Variants in DLGAP2 observed in about 807,000 individuals in gnomAD.
The protein encoded by DLGAP2 is disks large-associated protein 2.
In DLGAP2, 26 loss-of-function variants were observed where a neutral mutation model predicts 100.3. The observed-to-expected ratio is 0.26, with a 90% confidence interval of 0.19 to 0.36. The LOEUF (loss-of-function observed/expected upper bound fraction) is 0.36, where lower values mean the gene tolerates loss of function less well. DLGAP2 is among the 10% of genes least tolerant of loss of function. The probability of loss-of-function intolerance (pLI) is 1.00; values close to 1 mark genes in which losing one functional copy is unlikely to be tolerated. For synonymous variants in DLGAP2, 886 were observed against 630.1 expected, an observed-to-expected ratio of 1.41 and a Z score of -6.08; for missense variants, 1,858 against 1,453.2, an observed-to-expected ratio of 1.28 and a Z score of -4.53.
intron 1 of DLGAP2, among the ~76,000 whole-genome samples, chr8:831,108 G>A (rs769279299): frequency 2.4e-4 from 36 of 151,898 alleles, no homozygotes; most frequent in Admixed American, 3.9e-4. Flanking sequence ...ATGTTGGCCA[G>A]GCTGGTCTTG....
intron 2 of DLGAP2, among the ~76,000 whole-genome samples, chr8:1,119,487 C>G (rs1359729243): frequency 6.6e-6 from 1 of 152,260 alleles, no homozygotes; most frequent in East Asian, 1.9e-4. Context: ...AGCACAAGGC[C>G]CATTGCTTCT....
At chr8:966,311 T>C (rs1799869684) in intron 2 of DLGAP2, among the ~76,000 whole-genome samples, 1 of 152,174 alleles carries the variant, frequency 6.6e-6, no homozygotes, top group South Asian at 2.1e-4. Flanking sequence ...CTTTGAACAC[T>C]TGATCAGAAA....
At chr8:1,141,558 C>T (rs1192667493) in intron 2 of DLGAP2, among the ~76,000 whole-genome samples, 1 of 152,138 alleles carries the variant, frequency 6.6e-6, no homozygotes, top group Non-Finnish European at 1.5e-5. Context: ...AATGGGAACT[C>T]AGACAGCCAT....
rs572836745 is a variant in DLGAP2, at chr8:783,943, T to C, written c.18+46118T>C. On this transcript the variant is annotated intron_variant, in intron 1 of 14. Coordinates refer to ENST00000637795, the MANE Select transcript of DLGAP2 (RefSeq NM_001346810.2). ...AGCGTTATCGGCTAATTCTTAGGAG[T>C]AATTGTTAATGGTAAGTGCTCAGTG... 1.3e-4 allele frequency among the ~76,000 whole-genome samples: 20 copies of C among 152,294 alleles called. No individual in the cohort carries two copies. The South Asian group carries it at 4.1e-3, about 32-fold the overall frequency.
chr8:1,325,260 T>G (rs6994475), intron 3 of DLGAP2, among the ~76,000 whole-genome samples: 41,719 of 152,106 alleles, frequency 0.27, 10,481 homozygotes, highest in African/African-American at 0.67. Context: ...AAGAGTGAGA[T>G]GTCCGATGGT....
In DLGAP2 at chr8:1,350,365, GCGTGGGTCCTGAC is replaced by G. The variant is rs1402070104; in HGVS notation, c.106+91483_106+91495del. Among the ~76,000 whole-genome samples, 34 of 94,874 alleles carry G rather than the reference GCGTGGGTCCTGAC, an allele frequency of 3.6e-4. 3 individuals are homozygous for G. Among genetic ancestry groups the G allele is most frequent in the South Asian group, 1.1e-3 (2 of 1,880 alleles). 62.2% of individuals were successfully genotyped at this position (94,874 alleles called of 152,430 possible). ...GGTCCTGACAGTGTGTGGAAAGGCC[GCGTGGGTCCTGAC>G]TGTGCGTGGAAAGGCCGCGCGGGTC... On this transcript the variant is annotated intron_variant, in intron 3 of 14. Transcript: ENST00000637795.
chr8:759,632 C>G (rs1430152198), intron 1 of DLGAP2, among the ~76,000 whole-genome samples: 1 of 152,166 alleles, frequency 6.6e-6, no homozygotes, highest in Non-Finnish European at 1.5e-5. Flanking sequence ...GACGGGTGTG[C>G]ATAGGTCTGA....
At chr8:986,031 A>T (rs1341918092) in intron 2 of DLGAP2, among the ~76,000 whole-genome samples, 2 of 152,140 alleles carry the variant, frequency 1.3e-5, no homozygotes, top group Non-Finnish European at 2.9e-5. Flanking sequence ...TATCCCCATT[A>T]TTAGGGGGGA....
chr8:796,594 C>G lies in DLGAP2; in HGVS notation c.18+58769C>G, dbSNP rs543115892. ...TCCTTGGTCTGAGTGGATTCCTCCT[C>G]TGCAGCCTCAGAGCCTAGCAGTGCG... On this transcript the variant is annotated intron_variant, in intron 1 of 14. Transcript: ENST00000637795. 2.2e-4 allele frequency among the ~76,000 whole-genome samples: 33 copies of G among 152,308 alleles called. No homozygotes were observed. In the South Asian group the frequency reaches 5.6e-3, roughly 26 times the overall value.
At chr8:1,001,094 A>G (rs567140061) in intron 2 of DLGAP2, among the ~76,000 whole-genome samples, 4 of 152,292 alleles carry the variant, frequency 2.6e-5, no homozygotes, top group Non-Finnish European at 4.4e-5. Context: ...GGGAATCACA[A>G]TTTCTCCACT....
chr8:1,565,635 G>A (rs773757160), intron 5 of DLGAP2, 48 bp from the exon 6 acceptor site: 111 of 1,504,532 alleles, frequency 7.4e-5, no homozygotes, highest in East Asian at 5.7e-4. Flanking sequence ...TGATGCTGCC[G>A]TTCTCAGTGA....
chr8:903,615 C>T (rs766521192), intron 1 of DLGAP2, among the ~76,000 whole-genome samples: 4 of 152,134 alleles, frequency 2.6e-5, no homozygotes, highest in Non-Finnish European at 5.9e-5. Context: ...TTCCTCCACT[C>T]TGTTCATGGG....
At chr8:1,148,431 C>G (rs957306573) in intron 2 of DLGAP2, among the ~76,000 whole-genome samples, 8 of 151,946 alleles carry the variant, frequency 5.3e-5, no homozygotes, top group African/African-American at 1.4e-4. Context: ...ATTTTTTTCC[C>G]TACACTGTGT....
At chr8:1,334,591 C>T (rs576861512) in intron 3 of DLGAP2, among the ~76,000 whole-genome samples, 47 of 152,092 alleles carry the variant, frequency 3.1e-4, no homozygotes, top group Non-Finnish European at 6.0e-4. Context: ...CACCTGCCCT[C>T]GACCCCCCCA....
intron 1 of DLGAP2, among the ~76,000 whole-genome samples, chr8:802,556 C>T (rs1796192326): frequency 1.3e-5 from 2 of 152,204 alleles, no homozygotes; most frequent in African/African-American, 2.4e-5. Context: ...GCACATCCAG[C>T]TCTGTGCCAG....
At chr8:1,036,443 C>G (rs1405026094) in intron 2 of DLGAP2, among the ~76,000 whole-genome samples, 2 of 152,194 alleles carry the variant, frequency 1.3e-5, no homozygotes. Context: ...CCAGGGGACC[C>G]TACACGGGGT....
chr8:823,036 A>G (rs1241387260), intron 1 of DLGAP2, among the ~76,000 whole-genome samples: 5 of 151,694 alleles, frequency 3.3e-5, no homozygotes, highest in East Asian at 3.9e-4. Context: ...CTTTGCACTG[A>G]TGGAAAGGTC....
chr8:1,345,401 C>A (rs182205484), intron 3 of DLGAP2, among the ~76,000 whole-genome samples: 1 of 152,218 alleles, frequency 6.6e-6, no homozygotes, highest in Admixed American at 6.5e-5. Context: ...TAGTTTCCCC[C>A]ATTTTGCCCG....
At chr8:1,076,413 G>C (rs899040567) in intron 2 of DLGAP2, among the ~76,000 whole-genome samples, 2 of 152,220 alleles carry the variant, frequency 1.3e-5, no homozygotes, top group Non-Finnish European at 2.9e-5. Flanking sequence ...GAGACGTACG[G>C]TATTTTGCGG....
Sources: allele counts gnomAD v4.1 joint callset (sites outside exome capture counted in the v4.1 genomes callset), GRCh38; gene constraint gnomAD v4.1.1; transcripts MANE v1.5; gene names NCBI Gene and HGNC (gene_info 2026-07-23, HGNC 2026-07-21).